Variants in CD6 observed in about 807,000 individuals in gnomAD.
CD6 encodes the protein T-cell differentiation antigen CD6.
In CD6, 53 loss-of-function variants were observed where a neutral mutation model predicts 75.3. The observed-to-expected ratio is 0.70, with a 90% CI of 0.56 to 0.88. CD6 has a LOEUF of 0.88. CD6 is among the 40% of genes least tolerant of loss of function. CD6 has a pLI of 0.00. For synonymous variants in CD6, 359 were observed against 381.5 expected (o/e 0.94, Z 0.69); for missense variants, 770 against 897.1 (o/e 0.86, Z 1.81).
chr11:60,974,415 T>C (rs1857291580), intron 1 of CD6, among the ~76,000 whole-genome samples: 1 of 152,138 alleles, frequency 6.6e-6, no homozygotes. Flanking sequence ...CCCAGCTAAT[T>C]TTTGTATTTT....
In CD6 at chr11:60,987,370, A is replaced by G. The variant is rs150066915; in HGVS notation, c.49+15456A>G. The stretch of plus-strand genomic sequence containing the variant: ...CCACTTCTGTGAGGACAACAGTCAT[A>G]TTGAATTGGGGCCTGCCCTGATGGC... On this transcript the variant is annotated intron_variant, in intron 1 of 12. Transcript: ENST00000313421. Among the ~76,000 whole-genome samples the G allele has an allele frequency of 2.6e-5, 4 of 152,316 alleles. No individual in the cohort carries two copies. In the East Asian group the frequency reaches 7.7e-4, roughly 29 times the overall value.
intron 1 of CD6, among the ~76,000 whole-genome samples, chr11:60,973,514 A>G (rs1857266156): frequency 6.6e-6 from 1 of 152,244 alleles, no homozygotes; most frequent in African/African-American, 2.4e-5. Flanking sequence ...GAAAGTTTAC[A>G]TCACTATTAT....
intron 11 of CD6, 80 bp downstream of exon 11, chr11:61,018,093 G>T: frequency 6.5e-7 from 1 of 1,540,884 alleles, no homozygotes; most frequent in South Asian, 1.2e-5. Flanking sequence ...CCTGAGTCAG[G>T]CTGAGGTCAG....
chr11:60,995,199 C>T (rs1252175713), intron 1 of CD6, among the ~76,000 whole-genome samples: 2 of 151,634 alleles, frequency 1.3e-5, no homozygotes, highest in African/African-American at 2.4e-5. Flanking sequence ...GCCTAGAATG[C>T]AGTGCTGCAA....
intron 1 of CD6, among the ~76,000 whole-genome samples, chr11:60,990,531 G>A (rs760630554): frequency 6.6e-6 from 1 of 152,008 alleles, no homozygotes; most frequent in Non-Finnish European, 1.5e-5. Context: ...GCCTGAGAAT[G>A]TTTTAATGAA....
At chr11:60,987,109 A>AAAAAAC (rs959661468) in intron 1 of CD6, among the ~76,000 whole-genome samples, 2 of 152,190 alleles carry the variant, frequency 1.3e-5, no homozygotes, top group Non-Finnish European at 2.9e-5. Context: ...CTCCATCTCA[A>AAAAAAC]AAAAACAAAA....
chr11:60,982,719 A>T (rs566391605), intron 1 of CD6: 1 of 456,074 alleles, frequency 2.2e-6, no homozygotes, highest in Admixed American at 2.3e-5. Flanking sequence ...GAGCTGGAAG[A>T]AACCCCAGCG....
chr11:60,987,147 T>C (rs1857853914), intron 1 of CD6, among the ~76,000 whole-genome samples: 1 of 152,148 alleles, frequency 6.6e-6, no homozygotes, highest in African/African-American at 2.4e-5. Context: ...AGAAATGTAT[T>C]GTCTCACAGT....
chr11:61,012,154 A>T (rs1392679455), intron 6 of CD6, among the ~76,000 whole-genome samples: 4 of 152,194 alleles, frequency 2.6e-5, no homozygotes, highest in Non-Finnish European at 4.4e-5. Context: ...CATAGATGAC[A>T]GCACAGAGAG....
intron 1 of CD6, among the ~76,000 whole-genome samples, chr11:60,976,594 T>C (rs534872775): frequency 5.3e-5 from 8 of 152,310 alleles, no homozygotes; most frequent in African/African-American, 1.9e-4. Context: ...GAGGAAACAA[T>C]GGCGCCATTG....
chr11:61,014,031 C>T lies in CD6; in HGVS notation c.1387+17C>T. 1 of 1,594,576 alleles carries T rather than the reference C, an allele frequency of 6.3e-7. No individual in the cohort carries two copies. Among genetic ancestry groups the T allele is most frequent in the Non-Finnish European group, 8.6e-7 (1 of 1,165,056 alleles). ...CCAAAGAAGGTAGGATGTCCCCCAT[C>T]CTGGGTGTGGGAGGGCTGGGGAGGA... On this transcript the variant is annotated intron_variant, in intron 8 of 12. Transcript: ENST00000313421.
rs775422862 is a variant in CD6 at position 61,007,816 on chromosome 11, C to A, written c.375C>A (p.Pro125=). The A allele has an allele frequency of 9.5e-6, 14 of 1,471,056 alleles. No homozygotes were observed. In the African/African-American group the frequency reaches 1.0e-4, roughly 11 times the overall value. The allele number at this position is 1,471,056 out of a possible 1,614,324, so 91.1% of individuals were successfully genotyped here. Residue 125 remains proline (P), a synonymous_variant, in exon 3 of 13, where the codon CCC becomes CCA. Coordinates refer to ENST00000313421, the MANE Select transcript of CD6 (RefSeq NM_006725.5). This position sits in a 1 kb window ranked among gnomAD's most constrained non-coding sequence, Gnocchi z 4.2. ...CTAATGCCACTCTGGCCGGGGCGCC[C>A]GCCCTCCTGTGCAGCGGCGCCGAGT... ...VAANATLAGA[P]ALLCSGAEWR...
chr11:60,988,348 A>C (rs1857910317), intron 1 of CD6, among the ~76,000 whole-genome samples: 1 of 152,216 alleles, frequency 6.6e-6, no homozygotes, highest in Non-Finnish European at 1.5e-5. Flanking sequence ...ACTCTGAGCC[A>C]CGTAGATCCA....
Position 61,006,652 on chromosome 11 carries a change from C to T in CD6, c.118+10C>T. The T allele has an allele frequency of 6.2e-7, 1 of 1,601,930 alleles. No homozygotes were observed. The highest frequency in any genetic ancestry group is 1.1e-5 in the South Asian group (1 of 88,390). ...GAGCTCTGGGAGCCAGGTGAGCAAA[C>T]ATTCCCTCTGGGGGTCCATGATCAG... On this transcript the variant is annotated intron_variant, in intron 2 of 12. Coordinates refer to ENST00000313421, the MANE Select transcript of CD6 (RefSeq NM_006725.5).
In CD6 at chr11:60,971,707, G is replaced by A. The variant is rs771526667; in HGVS notation, c.-159G>A. The A allele has an allele frequency of 1.3e-5, 9 of 675,698 alleles. No homozygotes were observed. Among genetic ancestry groups the A allele is most frequent in the South Asian group, 5.3e-5 (3 of 56,990 alleles). 41.9% of individuals were successfully genotyped at this position (675,698 alleles called of 1,614,324 possible). A position where few individuals can be genotyped will look rare whatever the true frequency, so the allele number is the denominator to read the frequency against. ...TCACAGGTTGGGTTTGATCGCATGCGTGTCGGAGAGGAGAGAGCAGAGAGA... is the reference window on the plus strand; with the variant it reads ...TCACAGGTTGGGTTTGATCGCATGCATGTCGGAGAGGAGAGAGCAGAGAGA... On this transcript the variant is annotated 5_prime_UTR_variant, in exon 1 of 13. In the 5' UTR this introduces an upstream ATG that the reference lacks. Coordinates refer to ENST00000313421, the MANE Select transcript of CD6 (RefSeq NM_006725.5).
At chr11:61,012,319 ACCCCGGCCCTTGGTCCATCAG>A (rs1262661729) in intron 6 of CD6, among the ~76,000 whole-genome samples, 1 of 151,922 alleles carries the variant, frequency 6.6e-6, no homozygotes, top group Non-Finnish European at 1.5e-5. Context: ...CAGGGACCAC[ACCCCGGCCCTTGGTCCATCAG>A]CCCCTCCCTC....
intron 1 of CD6, among the ~76,000 whole-genome samples, chr11:60,980,247 C>T (rs1372650957): frequency 1.3e-5 from 2 of 152,224 alleles, no homozygotes; most frequent in African/African-American, 4.8e-5. Context: ...TCAGCCCTTT[C>T]TGGTGACTCA....
intron 1 of CD6, among the ~76,000 whole-genome samples, chr11:60,975,424 G>A (rs12361059): frequency 0.08 from 12,200 of 152,214 alleles, 636 homozygotes; most frequent in Non-Finnish European, 0.12. Context: ...TTTATATGTC[G>A]AACTTATAAT....
At chr11:61,006,669 C>T in intron 2 of CD6, 27 bp downstream of exon 2, 1 of 1,577,892 alleles carries the variant, frequency 6.3e-7, no homozygotes, top group South Asian at 1.2e-5. Flanking sequence ...TCTGGGGGTC[C>T]ATGATCAGCT....
Sources: allele counts gnomAD v4.1 joint callset (sites outside exome capture counted in the v4.1 genomes callset), GRCh38; gene constraint gnomAD v4.1.1; non-coding constraint Gnocchi (gnomAD v3.1); transcripts MANE v1.5; gene names NCBI Gene and HGNC (gene_info 2026-07-23, HGNC 2026-07-21).